Variants in PIGQ observed in about 807,000 individuals in gnomAD.
PIGQ encodes phosphatidylinositol glycan anchor biosynthesis class Q.
PIGQ carries 54 observed loss-of-function variants against 60.3 expected under a neutral mutation model. The observed-to-expected ratio is 0.90, with a 90% CI of 0.72 to 1.12. The LOEUF is 1.12. Among genes scored for constraint, PIGQ ranks in the 50% most tolerant of loss-of-function variants. The pLI is 0.00. For synonymous variants in PIGQ, 416 were observed against 363.7 expected (o/e 1.14, Z -1.64); for missense variants, 799 against 793.5 (o/e 1.01, Z -0.08).
intron 9 of PIGQ, 157 bp downstream of exon 9, chr16:581,129 C>T: frequency 6.9e-7 from 1 of 1,452,796 alleles, no homozygotes; most frequent in Non-Finnish European, 9.2e-7. Flanking sequence ...GCCTCCTAGT[C>T]CCAGAGGTCT....
intron 1 of PIGQ, chr16:572,404 G>A (rs759070840): frequency 2.4e-6 from 1 of 417,196 alleles, no homozygotes; most frequent in Non-Finnish European, 4.8e-6. Flanking sequence ...TCCAGCCCCA[G>A]TGCGGGCTGC....
intron 8 of PIGQ, 97 bp from the exon 9 acceptor site, chr16:580,761 C>A (rs935166151): frequency 9.4e-6 from 7 of 742,438 alleles, no homozygotes. Context: ...GACCCTGCAG[C>A]CTCTGGGCCC....
In PIGQ at chr16:583,512, C is replaced by T. The variant is rs1168855320; in HGVS notation, c.*477C>T. 4 of 1,612,690 alleles carry T rather than the reference C, an allele frequency of 2.5e-6. 1 individual carries two copies. The Admixed American group carries it at 6.7e-5, about 27-fold the overall frequency. On this transcript the variant is annotated 3_prime_UTR_variant, in exon 11 of 11. Coordinates refer to ENST00000321878, the MANE Select transcript of PIGQ (RefSeq NM_004204.5). ...GCACCCTCTAGCTCCCTCAGCCGAA[C>T]AGCACCCTGCATCTGGGGGATTGAA...
intron 10 of PIGQ, 141 bp from the exon 11 acceptor site, chr16:582,742 A>G: frequency 1.1e-6 from 1 of 915,162 alleles, no homozygotes; most frequent in Non-Finnish European, 1.7e-6. Context: ...CTCCTTGGGA[A>G]CTGGGACTGG....
intron 1 of PIGQ, 136 bp from the exon 2 acceptor site, chr16:573,930 C>A: frequency 1.6e-6 from 1 of 626,288 alleles, no homozygotes; most frequent in Admixed American, 2.9e-5. Context: ...ACGGCGTCCA[C>A]CACCGAACTT....
In PIGQ at chr16:574,476, C is replaced by G. The variant is rs1407101430; in HGVS notation, c.402C>G (p.Arg134=). The change falls in exon 2 of 11, where the codon CGC becomes CGG. Residue 134 remains arginine (R), a synonymous_variant. Coordinates refer to ENST00000321878, the MANE Select transcript of PIGQ (RefSeq NM_004204.5). Reference sequence around the variant, plus strand: ...TCATGCTCATCTTCTATGACCAGCGCCAGGTGTTGCTGTCACAGCTACACC... The same window carrying G: ...TCATGCTCATCTTCTATGACCAGCGGCAGGTGTTGCTGTCACAGCTACACC... The part of the protein sequence containing the change: ...DQVMLIFYDQ[R]QVLLSQLHLP... The G allele has an allele frequency of 5.6e-6, 9 of 1,610,276 alleles. No individual in the cohort carries two copies. Among genetic ancestry groups the G allele is most frequent in the Non-Finnish European group, 7.6e-6 (9 of 1,179,044 alleles).
Position 583,047 on chromosome 16 carries a change from G to A in PIGQ, c.*12G>A. The stretch of plus-strand genomic sequence containing the variant: ...ACAAGCAGGACTGAGGGAACTGCTG[G>A]CTCGCCTGGCACCACCACACGGCCA... On this transcript the variant is annotated 3_prime_UTR_variant, in exon 11 of 11. Transcript: ENST00000321878. 6.2e-7 allele frequency: 1 copy of A among 1,613,000 alleles called. No homozygotes were observed. The highest frequency in any genetic ancestry group is 8.5e-7 in the Non-Finnish European group (1 of 1,179,984).
At chr16:573,894 A>G (rs1344404511) in intron 1 of PIGQ, among the ~76,000 whole-genome samples, 172 bp from the exon 2 acceptor site, 1 of 152,160 alleles carries the variant, frequency 6.6e-6, no homozygotes, top group Non-Finnish European at 1.5e-5. Context: ...AGCATGGCCC[A>G]CGCGAGGCGG....
chr16:582,853 CCCCACTGACCGCTG>C lies in PIGQ; in HGVS notation c.1594-26_1594-13del. ...GCAGACGGGGTTGGAGCTCAGACCA[CCCCACTGACCGCTG>C]CCCTTGTCCTTCCAGATAAACCCAC... is the stretch of plus-strand genomic sequence containing the variant. On this transcript the variant is annotated splice_polypyrimidine_tract_variant and intron_variant, in intron 10 of 10. Transcript: ENST00000321878. 1 of 1,569,270 alleles carries C rather than the reference CCCCACTGACCGCTG, an allele frequency of 6.4e-7. No individual in the cohort carries two copies. The highest frequency in any genetic ancestry group is 8.7e-7 in the Non-Finnish European group (1 of 1,155,094).
Position 578,960 on chromosome 16 carries a change from C to T in PIGQ, c.1223+22C>T, listed in dbSNP as rs1337069393. Reference sequence around the variant, plus strand: ...CCAGGTGGGCGTGGGCTTCCCCCTCCCCACCGCCCCCTGGGAGGTGCAGAG... The same window carrying T: ...CCAGGTGGGCGTGGGCTTCCCCCTCTCCACCGCCCCCTGGGAGGTGCAGAG... On this transcript the variant is annotated intron_variant, in intron 6 of 10. Transcript: ENST00000321878. 5.0e-6 allele frequency: 8 copies of T among 1,604,626 alleles called. No individual in the cohort carries two copies. In the Admixed American group the frequency reaches 1.0e-4, roughly 20 times the overall value.
At position 575,857 on chromosome 16, in the gene PIGQ, CCT is replaced by C. The variant is rs1299729223; in HGVS notation, c.709_710del (p.Leu237ValfsTer77). 9 of 1,567,846 alleles carry C rather than the reference CCT, an allele frequency of 5.7e-6. No homozygotes were observed. Among genetic ancestry groups the C allele is most frequent in the Admixed American group, 1.8e-5 (1 of 54,346 alleles). On this transcript the variant is annotated frameshift_variant, in exon 3 of 11. Transcript: ENST00000321878. LOFTEE classifies it high-confidence loss of function. The part of the protein sequence containing the change: ...SACRVFKLWP[L>X]SFLGSKLSTC... ...CACGCAGAGTGTTCAAGCTCTGGCC[CCT>C]GTCCTTCCTCGGGAGCAAACTCTCC...
chr16:580,558 A>G, intron 8 of PIGQ: 1 of 552,300 alleles, frequency 1.8e-6, no homozygotes, highest in Non-Finnish European at 3.3e-6. Context: ...TGGGGCAGAC[A>G]GTGGGAGGTG....
intron 2 of PIGQ, among the ~76,000 whole-genome samples, chr16:575,624 G>A (rs993525374): frequency 2.0e-5 from 3 of 152,170 alleles, no homozygotes; most frequent in Non-Finnish European, 4.4e-5. Flanking sequence ...CAGCACCTGC[G>A]AGGAGGCCAG....
chr16:577,386 G>A lies in PIGQ; in HGVS notation c.943-993G>A, dbSNP rs534320350. Among the ~76,000 whole-genome samples the A allele has an allele frequency of 9.2e-5, 14 of 151,580 alleles. No homozygotes were observed. The East Asian group carries it at 1.4e-3, about 15-fold the overall frequency. On this transcript the variant is annotated intron_variant, in intron 4 of 10. Transcript: ENST00000321878. ...AGGTCAGGAGATCGAGACCATCCTG[G>A]CTAACACAGTGAAATCCCGTCTCTA... is the stretch of plus-strand genomic sequence containing the variant.
Position 578,937 on chromosome 16 carries a change from A to T in PIGQ, c.1222A>T (p.Arg408Trp). Reference protein sequence around the residue: ...HIYCFYVYGARLYCLKIHGLS... With the variant: ...HIYCFYVYGAWLYCLKIHGLS... ...CTACTGCTTTTACGTCTATGGAGCC[A>T]GGTGGGCGTGGGCTTCCCCCTCCCC... The change falls in exon 6 of 11, where the codon AGG (arginine) becomes TGG (tryptophan). Residue 408 changes from arginine (R) to tryptophan (W), a missense_variant and splice_region_variant. Physicochemically the swap from Arg to Trp is moderately radical, Grantham distance 101 (BLOSUM62 -3). Coordinates refer to ENST00000321878, the MANE Select transcript of PIGQ (RefSeq NM_004204.5). 4 of 1,599,542 alleles carry T rather than the reference A, an allele frequency of 2.5e-6. No individual in the cohort carries two copies. The highest frequency in any genetic ancestry group is 3.4e-6 in the Non-Finnish European group (4 of 1,174,374).
At chr16:580,712 TCCGTGCCCTGCTCAGGGTGGGGTC>T in intron 8 of PIGQ, 122 bp from the exon 9 acceptor site, 1 of 672,782 alleles carries the variant, frequency 1.5e-6, no homozygotes, top group Non-Finnish European at 2.7e-6. Context: ...AATGGCAGAC[TCCGTGCCCTGCTCAGGGTGGGGTC>T]CCTGCTCTCC....
chr16:578,035 C>T (rs1479680375), intron 4 of PIGQ: 3 of 239,382 alleles, frequency 1.3e-5, no homozygotes, highest in Admixed American at 1.1e-4. Context: ...GGCCTCAGTG[C>T]GTCCACGTGT....
Position 575,954 on chromosome 16 carries a change from C to G in PIGQ, c.805C>G (p.Pro269Ala). 1 of 1,585,324 alleles carries G rather than the reference C, an allele frequency of 6.3e-7. No individual in the cohort carries two copies. Among genetic ancestry groups the G allele is most frequent in the Non-Finnish European group, 8.6e-7 (1 of 1,166,224 alleles). ...CTTCAGTACACGGAAGGCGGAGAAC[C>G]CTGCCCAGCTGATGAGGTGTGGGCC... ...LIFSTRKAEN[P>A]AQLMRKANTV... Residue 269 changes from proline to alanine, a missense_variant, in exon 3 of 11, where the codon CCT (proline) becomes GCT (alanine). By Grantham distance (27) the Pro-to-Ala change is conservative. Transcript: ENST00000321878.
rs1191271833 is a variant in PIGQ, at chr16:580,273, G to A, written c.1416+10G>A. On this transcript the variant is annotated intron_variant, in intron 8 of 10. Coordinates refer to ENST00000321878, the MANE Select transcript of PIGQ (RefSeq NM_004204.5). ...CCTGGTGTTCACCCTGGTGAGCTGA[G>A]CACCCACAGGCTGGGCCTGGCTGCA... 6 of 1,595,046 alleles carry A rather than the reference G, an allele frequency of 3.8e-6. No individual in the cohort carries two copies. Among genetic ancestry groups the A allele is most frequent in the Non-Finnish European group, 5.1e-6 (6 of 1,166,380 alleles).
Sources: allele counts gnomAD v4.1 joint callset (sites outside exome capture counted in the v4.1 genomes callset), GRCh38; gene constraint gnomAD v4.1.1; transcripts MANE v1.5; gene names NCBI Gene and HGNC (gene_info 2026-07-23, HGNC 2026-07-21).